The following LIG1 variants were observed in gnomAD, a reference collection of about 807,000 sequenced individuals.
LIG1 encodes the protein DNA ligase 1, also known as ligase I, DNA, ATP-dependent.
In LIG1, 70 loss-of-function variants were observed where a neutral mutation model predicts 115.7. The ratio of observed to expected loss-of-function variants is 0.60; its 90% CI spans 0.50 to 0.74. The LOEUF (loss-of-function observed/expected upper bound fraction) is 0.74. Among genes scored for constraint, LIG1 ranks in the 30% least tolerant of loss-of-function variants. LIG1 has a pLI of 0.00. For synonymous variants in LIG1, 487 were observed against 495.3 expected, an observed-to-expected ratio of 0.98 and a Z score of 0.22; for missense variants, 1,115 against 1,225.6, an observed-to-expected ratio of 0.91 and a Z score of 1.35.
At chr19:48,136,732 C>T (rs1001981163) in intron 14 of LIG1, among the ~76,000 whole-genome samples, 4 of 152,184 alleles carry the variant, frequency 2.6e-5, no homozygotes, top group African/African-American at 7.2e-5. Flanking sequence ...GCAGGGCCCG[C>T]GCCCAAGCCG....
At chr19:48,165,893 C>T (rs748846972) in intron 1 of LIG1, 6 of 426,308 alleles carry the variant, frequency 1.4e-5, no homozygotes, top group Non-Finnish European at 2.5e-5. Flanking sequence ...AGACTGAGGA[C>T]CTGAAATGGG....
intron 24 of LIG1, 115 bp downstream of exon 24, chr19:48,121,055 A>G: frequency 6.3e-7 from 1 of 1,576,958 alleles, no homozygotes; most frequent in Non-Finnish European, 8.6e-7. Flanking sequence ...GGGAGAACGG[A>G]TCCTTCACAG....
chr19:48,120,926 T>C, intron 24 of LIG1: 1 of 1,349,002 alleles, frequency 7.4e-7, no homozygotes. Context: ...GAGCCACCAC[T>C]ATTTGTAGCT....
At chr19:48,120,271 G>A (rs1199462924) in intron 24 of LIG1, 68 of 985,074 alleles carry the variant, frequency 6.9e-5, no homozygotes, top group Non-Finnish European at 8.0e-5. Context: ...ACTCTTGTGC[G>A]GGCATTCAGG....
intron 18 of LIG1, 89 bp from the exon 19 acceptor site, chr19:48,131,260 A>C (rs1471720154): frequency 1.1e-6 from 1 of 916,754 alleles, no homozygotes; most frequent in African/African-American, 1.6e-5. Context: ...CACTGGTAGA[A>C]GGTTCTGGAA....
At chr19:48,145,385 A>G (rs940014362) in intron 9 of LIG1, among the ~76,000 whole-genome samples, 2 of 152,140 alleles carry the variant, frequency 1.3e-5, no homozygotes, top group Non-Finnish European at 2.9e-5. Flanking sequence ...GGTTGTCCTG[A>G]AGGTTACATA....
At chr19:48,141,719 T>C (rs754308389) in intron 11 of LIG1, among the ~76,000 whole-genome samples, 17 of 152,204 alleles carry the variant, frequency 1.1e-4, no homozygotes, top group Non-Finnish European at 2.5e-4. Flanking sequence ...GGGGGCCTCA[T>C]TAGAAACAGA....
At chr19:48,134,318 C>T (rs1205982445) in intron 16 of LIG1, among the ~76,000 whole-genome samples, 2 of 152,298 alleles carry the variant, frequency 1.3e-5, no homozygotes, top group African/African-American at 4.8e-5. Flanking sequence ...ATTCTCTACT[C>T]GGCTACACAG....
Position 48,137,165 on chromosome 19 carries a change from T to C in LIG1, c.1255-81A>G. 8.2e-7 allele frequency: 1 copy of C among 1,215,074 alleles called. No homozygotes were observed. The highest frequency in any genetic ancestry group is 2.4e-5 in the East Asian group (1 of 41,204). 75.3% of individuals were successfully genotyped at this position (1,215,074 alleles called of 1,614,324 possible). On this transcript the variant is annotated intron_variant, in intron 13 of 27. Coordinates refer to ENST00000263274, the MANE Select transcript of LIG1 (RefSeq NM_000234.3). The surrounding 1 kb of genome is among the most constrained non-coding windows in gnomAD (Gnocchi z 4.3). ...CACCCCACCAGCCGTGCTGCTGCCC[T>C]GCATTTTGGAATACCTGCCCTCCTT...
rs555907855 is a variant in LIG1 at position 48,135,804 on chromosome 19, T to C, written c.1424-25A>G. ...TCTAAGAAAAGACCCACCAGAGGCT[T>C]TGGAAGGCACCCACATCCTTGGCTA... On this transcript the variant is annotated intron_variant, in intron 15 of 27. Transcript: ENST00000263274. 5.6e-5 allele frequency: 90 copies of C among 1,593,286 alleles called. No homozygotes were observed. The South Asian group carries it at 7.4e-4, about 13-fold the overall frequency.
intron 4 of LIG1, among the ~76,000 whole-genome samples, chr19:48,157,520 G>T (rs2035926784): frequency 6.6e-6 from 1 of 152,036 alleles, no homozygotes; most frequent in South Asian, 2.1e-4. Context: ...GGGAAATGAT[G>T]TACACCTCTT....
intron 1 of LIG1, among the ~76,000 whole-genome samples, chr19:48,167,178 CT>C (rs1446208027): frequency 1.3e-5 from 2 of 150,504 alleles, no homozygotes; most frequent in African/African-American, 2.4e-5. Context: ...TATAAATTTT[CT>C]ATATCTTTAA....
At chr19:48,149,887 GC>G in intron 8 of LIG1, 46 bp from the exon 9 acceptor site, 4 of 1,582,542 alleles carry the variant, frequency 2.5e-6, no homozygotes, top group Non-Finnish European at 3.5e-6. Flanking sequence ...CCTTCCGGTA[GC>G]CCCCACCTCC....
chr19:48,150,015 G>A (rs769949117), intron 8 of LIG1, 73 bp downstream of exon 8: 197 of 1,607,638 alleles, frequency 1.2e-4, no homozygotes, highest in Non-Finnish European at 1.6e-4. Flanking sequence ...CAGCATCTCA[G>A]GCCTCTGGAG....
At chr19:48,136,973 T>TC (rs1430109204) in intron 14 of LIG1, 35 bp downstream of exon 14, 1 of 1,545,388 alleles carries the variant, frequency 6.5e-7, no homozygotes, top group Non-Finnish European at 8.9e-7. Context: ...GAGCCTGCAG[T>TC]CCCCCTCTGT....
rs1216410717 is a variant in LIG1 at position 48,137,793 on chromosome 19, G to A, written c.1088-105C>T. The stretch of plus-strand genomic sequence containing the variant: ...ATTTTCTCCAGCTGTGTGTGCTTGT[G>A]GCGAGTCCCTGCACCTCCCTGTGTC... On this transcript the variant is annotated intron_variant, in intron 12 of 27. Coordinates refer to ENST00000263274, the MANE Select transcript of LIG1 (RefSeq NM_000234.3). This position sits in a 1 kb window ranked among gnomAD's most constrained non-coding sequence, Gnocchi z 4.3. 3 of 1,399,758 alleles carry A rather than the reference G, an allele frequency of 2.1e-6. No homozygotes were observed. Among genetic ancestry groups the A allele is most frequent in the Non-Finnish European group, 2.0e-6 (2 of 1,019,656 alleles). 86.7% of individuals were successfully genotyped at this position (1,399,758 alleles called of 1,614,324 possible).
intron 2 of LIG1, among the ~76,000 whole-genome samples, 156 bp downstream of exon 2, chr19:48,165,394 C>T (rs185027073): frequency 6.6e-6 from 1 of 152,190 alleles, no homozygotes; most frequent in African/African-American, 2.4e-5. Flanking sequence ...CCATATCCCA[C>T]GGCTCATTTT....
chr19:48,163,309 C>A (rs2036293730), intron 2 of LIG1, among the ~76,000 whole-genome samples: 1 of 152,016 alleles, frequency 6.6e-6, no homozygotes, highest in Admixed American at 6.6e-5. Context: ...GCAACCTCGG[C>A]CTCCCAGTTT....
rs2033096169 is a variant in LIG1 at position 48,119,296 on chromosome 19, C to A, written c.2386-106G>T. On this transcript the variant is annotated intron_variant, in intron 24 of 27. Transcript: ENST00000263274. ...CTCATGGCCCCCACCCCACTCTGGT[C>A]TACGCAGTATCCACAGAAAACCAGG... The A allele has an allele frequency of 7.9e-6, 7 of 890,926 alleles. No individual in the cohort carries two copies. The East Asian group carries it at 1.3e-4, about 17-fold the overall frequency. 55.2% of individuals were successfully genotyped at this position (890,926 alleles called of 1,614,324 possible).
Sources: allele counts gnomAD v4.1 joint callset (sites outside exome capture counted in the v4.1 genomes callset), GRCh38; gene constraint gnomAD v4.1.1; non-coding constraint Gnocchi (gnomAD v3.1); transcripts MANE v1.5; gene names NCBI Gene and HGNC (gene_info 2026-07-23, HGNC 2026-07-21).